TGM2: variants seen among roughly 807,000 people sequenced by gnomAD.
TGM2 encodes transglutaminase 2.
In TGM2, 53 loss-of-function variants were observed where a neutral mutation model predicts 75.6. The observed-to-expected ratio is 0.70, with a 90% confidence interval of 0.56 to 0.88. TGM2 has a LOEUF of 0.88. TGM2 is among the 40% of genes least tolerant of loss of function. The pLI, the probability that TGM2 is intolerant of heterozygous loss-of-function variation, is 0.00. For missense variants in TGM2, 842 were observed against 928.5 expected (o/e 0.91, Z 1.21); for synonymous variants, 374 against 381.1 (o/e 0.98, Z 0.22).
In TGM2 at chr20:38,142,012, T is replaced by G. The variant is rs2074980592; in HGVS notation, c.995+52A>C. The stretch of plus-strand genomic sequence containing the variant: ...CCAAGAAGCCCTCCAAGGTTTCCTC[T>G]CCATGGGGCCCTCCCTACTGGGCTC... On this transcript the variant is annotated intron_variant, in intron 7 of 12. Transcript: ENST00000361475. The G allele has an allele frequency of 3.7e-6, 6 of 1,611,428 alleles. No individual in the cohort carries two copies. The Admixed American group carries it at 1.0e-4, about 27-fold the overall frequency.
Position 38,149,049 on chromosome 20 carries a change from C to T in TGM2, c.553-960G>A, listed in dbSNP as rs45569431. Among the ~76,000 whole-genome samples, 358 of 152,314 alleles carry T rather than the reference C, an allele frequency of 2.4e-3. 2 individuals are homozygous for T. Among genetic ancestry groups the T allele is most frequent in the African/African-American group, 8.5e-3 (353 of 41,570 alleles). ...TGTTCCACAAACTGGACACTGCTGG[C>T]TTCTCCCACCTCATCTCTTGGGGCT... On this transcript the variant is annotated intron_variant, in intron 4 of 12. Transcript: ENST00000361475.
chr20:38,167,046 C>T (rs1202557563), upstream of TGM2, among the ~76,000 whole-genome samples: 1 of 152,144 alleles, frequency 6.6e-6, no homozygotes, highest in East Asian at 1.9e-4. Flanking sequence ...CCTCACAGGC[C>T]TGAGTAAGAC....
At position 38,132,490 on chromosome 20, in the gene TGM2, A is replaced by G. The variant is rs752726189; in HGVS notation, c.1626T>C (p.Val542=). 26 of 1,613,942 alleles carry G rather than the reference A, an allele frequency of 1.6e-5. No individual in the cohort carries two copies. In the East Asian group the frequency reaches 5.1e-4, roughly 32 times the overall value. ...ATTTCTCATAGAGGATGCAAAGAGG[A>G]ACGCTCTTCTCTGCAGAAGGGGAGA... ...LNLEPFSEKS[V]PLCILYEKYR... is the part of the protein sequence containing the mutation. The change falls in exon 11 of 13, where the codon GTT becomes GTC. Residue 542 remains valine (V), a synonymous_variant. Transcript: ENST00000361475.
Position 38,138,289 on chromosome 20 carries a change from C to G in TGM2, c.1439G>C (p.Gly480Ala). The change falls in exon 10 of 13, where the codon GGC becomes GCC. Residue 480 changes from glycine (G) to alanine (A), a missense_variant. Coordinates refer to ENST00000361475, the MANE Select transcript of TGM2 (RefSeq NM_004613.4). Reference sequence around the variant, plus strand: ...GTCACTGCCCATGTTCATGCTCTGGCCCACACGGATCCGCATGGCCATCCC... The same window carrying G: ...GTCACTGCCCATGTTCATGCTCTGGGCCACACGGATCCGCATGGCCATCCC... ...ETGMAMRIRV[G>A]QSMNMGSDFD... 1 of 1,614,116 alleles carries G rather than the reference C, an allele frequency of 6.2e-7. No individual in the cohort carries two copies. The highest frequency in any genetic ancestry group is 8.5e-7 in the Non-Finnish European group (1 of 1,180,016).
chr20:38,167,892 A>C (rs995968834), upstream of TGM2, among the ~76,000 whole-genome samples: 4 of 152,036 alleles, frequency 2.6e-5, no homozygotes, highest in Non-Finnish European at 4.4e-5. Flanking sequence ...ACAGCAAGTC[A>C]CTTAACCTCT....
intron 3 of TGM2, among the ~76,000 whole-genome samples, 160 bp from the exon 4 acceptor site, chr20:38,151,217 G>A (rs916485566): frequency 2.0e-5 from 3 of 152,142 alleles, no homozygotes; most frequent in Non-Finnish European, 2.9e-5. Flanking sequence ...ATAATCCCAC[G>A]TCAATGAGAT....
rs111895659 is a variant in TGM2 at position 38,131,349 on chromosome 20, A to ACC, written c.1777-122_1777-121dup. Reference sequence around the variant, plus strand: ...AGCTGTACCCAGGTCTGCCACGATCACCCCCCCTCCCCCCACCTCTGTGCC... The same window carrying ACC: ...AGCTGTACCCAGGTCTGCCACGATCACCCCCCCCCTCCCCCCACCTCTGTGCC... On this transcript the variant is annotated intron_variant, in intron 11 of 12. Transcript: ENST00000361475. 1.3e-4 allele frequency: 177 copies of ACC among 1,314,260 alleles called. 3 individuals are homozygous for ACC. The highest frequency in any genetic ancestry group is 1.3e-3 in the South Asian group (96 of 76,164). The allele number at this position is 1,314,260 out of a possible 1,614,324, so 81.4% of individuals were successfully genotyped here.
At chr20:38,135,715 C>T (rs1022703193) in intron 10 of TGM2, among the ~76,000 whole-genome samples, 4 of 152,058 alleles carry the variant, frequency 2.6e-5, no homozygotes, top group Non-Finnish European at 4.4e-5. Flanking sequence ...CACAGGAACC[C>T]CCGAGCCCAG....
chr20:38,141,473 C>G (rs1198231507), intron 7 of TGM2, 88 bp from the exon 8 acceptor site: 9 of 1,005,912 alleles, frequency 8.9e-6, no homozygotes, highest in Non-Finnish European at 1.2e-5. Flanking sequence ...TTCATGTCCC[C>G]AGATGCAAGC....
Position 38,148,081 on chromosome 20 carries a change from A to G in TGM2, c.561T>C (p.Asp187=), listed in dbSNP as rs778535666. ...NIPWNFGQFE[D]GILDICLILL... ...GGATCAGGCAGATGTCTAGGATCCC[A>G]TCTTCAAACTGTGTCAGAGGAAACA... Residue 187 remains aspartate (D), a synonymous_variant, in exon 5 of 13, where the codon GAT becomes GAC. Transcript: ENST00000361475. The G allele has an allele frequency of 5.6e-6, 9 of 1,614,150 alleles. No individual in the cohort carries two copies. In the East Asian group the frequency reaches 6.7e-5, roughly 12 times the overall value.
chr20:38,161,661 C>T (rs1242808948), intron 1 of TGM2, 62 bp from the exon 2 acceptor site: 4 of 1,589,344 alleles, frequency 2.5e-6, no homozygotes, highest in African/African-American at 1.3e-5. Flanking sequence ...CAGTGATGCA[C>T]CTGCCCTCCC....
chr20:38,157,966 A>T lies in TGM2; in HGVS notation c.191-1877T>A, dbSNP rs905207149. On this transcript the variant is annotated intron_variant, in intron 2 of 12. Transcript: ENST00000361475. ...CTAGTTCGATTGAAGAACTTCACAG[A>T]TTTGGAAACTGAGGTTGAGAGGGGT... is the stretch of plus-strand genomic sequence containing the variant. 5.3e-5 allele frequency among the ~76,000 whole-genome samples: 8 copies of T among 152,234 alleles called. No homozygotes were observed. The South Asian group carries it at 1.7e-3, about 32-fold the overall frequency.
At chr20:38,133,420 A>T (rs1470557546) in intron 10 of TGM2, 1 of 156,776 alleles carries the variant, frequency 6.4e-6, no homozygotes, top group East Asian at 1.9e-4. Flanking sequence ...GGGTCGTTGC[A>T]GAGCAAAAGC....
At chr20:38,149,682 A>C (rs2075092511) in intron 4 of TGM2, among the ~76,000 whole-genome samples, 1 of 148,838 alleles carries the variant, frequency 6.7e-6, no homozygotes, top group African/African-American at 2.5e-5. Context: ...CCGCCTCAAA[A>C]AAAAAAAAAA....
At chr20:38,136,045 G>A (rs867905419) in intron 10 of TGM2, among the ~76,000 whole-genome samples, 68 of 152,288 alleles carry the variant, frequency 4.5e-4, no homozygotes, top group African/African-American at 1.5e-3. Flanking sequence ...TCCTGGCCTC[G>A]GGAAATGTCT....
intron 3 of TGM2, among the ~76,000 whole-genome samples, chr20:38,154,485 AC>A (rs949917893): frequency 2.0e-5 from 3 of 151,948 alleles, no homozygotes; most frequent in Admixed American, 1.3e-4. Context: ...GTGACTGGCA[AC>A]CCCTGCCTCC....
chr20:38,131,129 C>T lies in TGM2; in HGVS notation c.1877G>A (p.Gly626Glu). The stretch of plus-strand genomic sequence containing the variant: ...CTTCTGCTCCTCAGTCAGGCCGGCC[C>T]CCTCCACAGTGAAGGTGCAGCCTTC... ...ALEGCTFTVE[G>E]AGLTEEQKTV... Residue 626 changes from glycine to glutamate, a missense_variant, in exon 12 of 13, where the codon GGG becomes GAG. Gly to Glu is a moderately conservative substitution (Grantham distance 98). Coordinates refer to ENST00000361475, the MANE Select transcript of TGM2 (RefSeq NM_004613.4). 1 of 1,613,522 alleles carries T rather than the reference C, an allele frequency of 6.2e-7. No individual in the cohort carries two copies. Among genetic ancestry groups the T allele is most frequent in the East Asian group, 2.2e-5 (1 of 44,870 alleles).
intron 3 of TGM2, 142 bp downstream of exon 3, chr20:38,155,705 A>G (rs761086653): frequency 3.3e-5 from 43 of 1,316,262 alleles, no homozygotes; most frequent in Non-Finnish European, 4.1e-5. Context: ...GGGTTTTGTG[A>G]GGCTGGAGCA....
intron 1 of TGM2, 129 bp downstream of exon 1, chr20:38,165,060 C>G (rs931380239): frequency 1.5e-6 from 2 of 1,351,170 alleles, no homozygotes; most frequent in African/African-American, 2.9e-5. Flanking sequence ...AGCATTGAGA[C>G]GCCTCCTCAC....
Sources: allele counts gnomAD v4.1 joint callset (sites outside exome capture counted in the v4.1 genomes callset), GRCh38; gene constraint gnomAD v4.1.1; transcripts MANE v1.5; gene names NCBI Gene and HGNC (gene_info 2026-07-23, HGNC 2026-07-21).